Variants in PLD5 observed in about 807,000 individuals in gnomAD.
PLD5 encodes the protein phospholipase D family member 5.
Under a neutral mutation model 61.1 loss-of-function variants are expected in PLD5, and 36 were observed. That is an observed-to-expected ratio of 0.59 (90% confidence interval 0.45 to 0.78). The LOEUF (loss-of-function observed/expected upper bound fraction) is 0.78, where lower values mean the gene tolerates loss of function less well. Among genes scored for constraint, PLD5 ranks in the 30% least tolerant of loss-of-function variants. PLD5 has a pLI of 0.00. For synonymous variants in PLD5, 243 were observed against 242.8 expected (o/e 1.00, Z -0.01); for missense variants, 515 against 644.4 (o/e 0.80, Z 2.17).
At chr1:242,462,064 T>G (rs1002837920) in intron 1 of PLD5, among the ~76,000 whole-genome samples, 11 of 152,260 alleles carry the variant, frequency 7.2e-5, no homozygotes, top group African/African-American at 2.7e-4. Flanking sequence ...GTGCAGAAAC[T>G]CTTTCATTTA....
intron 2 of PLD5, among the ~76,000 whole-genome samples, chr1:242,331,252 T>C (rs560480473): frequency 6.6e-6 from 1 of 152,274 alleles, no homozygotes; most frequent in East Asian, 1.9e-4. Context: ...AGACATGGTG[T>C]CTCAAGTTTT....
At chr1:242,282,942 T>C (rs1674796974) in intron 3 of PLD5, among the ~76,000 whole-genome samples, 1 of 152,228 alleles carries the variant, frequency 6.6e-6, no homozygotes, top group African/African-American at 2.4e-5. Flanking sequence ...CTTAGCAGGC[T>C]GTGATACGGA....
At chr1:242,480,412 G>T (rs1203158883) in intron 1 of PLD5, among the ~76,000 whole-genome samples, 2 of 152,034 alleles carry the variant, frequency 1.3e-5, no homozygotes, top group Non-Finnish European at 2.9e-5. Context: ...ACCTCTAGAA[G>T]AAAACATTGA....
chr1:242,398,145 G>A (rs1051075175), intron 1 of PLD5, among the ~76,000 whole-genome samples: 16 of 152,168 alleles, frequency 1.1e-4, no homozygotes, highest in African/African-American at 3.1e-4. Context: ...TGTGAGGGGA[G>A]GTCAGAAAGA....
intron 1 of PLD5, among the ~76,000 whole-genome samples, chr1:242,450,980 T>C (rs1431278518): frequency 6.6e-6 from 1 of 152,206 alleles, no homozygotes; most frequent in East Asian, 1.9e-4. Flanking sequence ...CAACATTGCC[T>C]AACGTGGATT....
In PLD5 at chr1:242,351,197, G is replaced by A. The variant is rs555141272; in HGVS notation, c.190-2955C>T. ...ATTACAGGCATGAGCAACCGCGCCC[G>A]GCCCTGTTTTATTCTTTCTATCCTT... On this transcript the variant is annotated intron_variant, in intron 1 of 9. Transcript: ENST00000536534. Among the ~76,000 whole-genome samples, 15 of 152,180 alleles carry A rather than the reference G, an allele frequency of 9.9e-5. No individual in the cohort carries two copies. The South Asian group carries it at 1.5e-3, about 15-fold the overall frequency.
At chr1:242,140,042 G>A (rs1664041270) in intron 5 of PLD5, among the ~76,000 whole-genome samples, 1 of 152,194 alleles carries the variant, frequency 6.6e-6, no homozygotes, top group South Asian at 2.1e-4. Context: ...GTACCTAGAG[G>A]TACAGCCCCT....
chr1:242,255,419 T>C (rs1672957856), intron 4 of PLD5, among the ~76,000 whole-genome samples: 1 of 152,218 alleles, frequency 6.6e-6, no homozygotes, highest in African/African-American at 2.4e-5. Flanking sequence ...TGGAGTAAGC[T>C]GTTCAAAAAT....
intron 1 of PLD5, among the ~76,000 whole-genome samples, chr1:242,372,173 A>T (rs1157562084): frequency 6.6e-6 from 1 of 152,110 alleles, no homozygotes; most frequent in Non-Finnish European, 1.5e-5. Flanking sequence ...CCTTCTCTTC[A>T]TCATTATTAT....
intron 2 of PLD5, among the ~76,000 whole-genome samples, chr1:242,307,982 G>A (rs1676475002): frequency 6.6e-6 from 1 of 152,028 alleles, no homozygotes; most frequent in Non-Finnish European, 1.5e-5. Context: ...TAAAACTAAT[G>A]AATTCTATTA....
rs191621323 is a variant in PLD5, at chr1:242,106,697, G to A, written c.1239+974C>T. Among the ~76,000 whole-genome samples the A allele has an allele frequency of 1.5e-3, 224 of 152,304 alleles. 1 individual carries two copies. The highest frequency in any genetic ancestry group is 3.3e-3 in the South Asian group (16 of 4,822). On this transcript the variant is annotated intron_variant, in intron 8 of 9. Coordinates refer to ENST00000536534, the MANE Select transcript of PLD5 (RefSeq NM_001372062.1). ...GTCAGGGCGATCTTGGAAGCCATGT[G>A]TCAAAGTTAATTGCGGAGCCCTTGA...
chr1:242,156,369 T>C (rs1250080650), intron 5 of PLD5, among the ~76,000 whole-genome samples: 1 of 152,216 alleles, frequency 6.6e-6, no homozygotes, highest in Non-Finnish European at 1.5e-5. Context: ...TTAATATTGT[T>C]ATGTGTGAAT....
At chr1:242,494,921 T>C (rs1382649224) in intron 1 of PLD5, among the ~76,000 whole-genome samples, 1 of 151,328 alleles carries the variant, frequency 6.6e-6, no homozygotes, top group Non-Finnish European at 1.5e-5. Context: ...CAGTTTTCTG[T>C]CCCTTACTAA....
At chr1:242,130,330 G>C (rs1479912020) in intron 5 of PLD5, among the ~76,000 whole-genome samples, 1 of 152,194 alleles carries the variant, frequency 6.6e-6, no homozygotes, top group Non-Finnish European at 1.5e-5. Context: ...GGGATTACAT[G>C]CATAAGCCAC....
At chr1:242,224,303 T>G (rs551664051) in intron 4 of PLD5, among the ~76,000 whole-genome samples, 1 of 152,296 alleles carries the variant, frequency 6.6e-6, no homozygotes, top group African/African-American at 2.4e-5. Flanking sequence ...GACAAATTTT[T>G]ATAGAAGAGA....
At chr1:242,214,037 T>G (rs1669989728) in intron 5 of PLD5, among the ~76,000 whole-genome samples, 1 of 152,192 alleles carries the variant, frequency 6.6e-6, no homozygotes, top group Non-Finnish European at 1.5e-5. Flanking sequence ...CAGCATCTAT[T>G]GATCTGCAAA....
intron 2 of PLD5, among the ~76,000 whole-genome samples, chr1:242,313,972 C>T (rs924403932): frequency 4.6e-5 from 7 of 152,120 alleles, no homozygotes; most frequent in African/African-American, 1.7e-4. Flanking sequence ...TTATCTGAGC[C>T]AGACATCAAA....
At chr1:242,312,158 G>C (rs975773636) in intron 2 of PLD5, among the ~76,000 whole-genome samples, 1 of 151,370 alleles carries the variant, frequency 6.6e-6, no homozygotes, top group African/African-American at 2.4e-5. Flanking sequence ...TGGTTTTAAA[G>C]TCTTTGTCTA....
At chr1:242,132,290 G>A (rs1356275787) in intron 5 of PLD5, among the ~76,000 whole-genome samples, 1 of 139,998 alleles carries the variant, frequency 7.1e-6, no homozygotes, top group Non-Finnish European at 1.5e-5. Context: ...GCGGAAACCA[G>A]CGCGGGTGTC....
Sources: gnomAD v4.1 joint callset for allele counts (sites outside exome capture counted in the v4.1 genomes callset) on GRCh38, gnomAD v4.1.1 for gene constraint, MANE v1.5 for transcripts, NCBI Gene and HGNC (gene_info 2026-07-23, HGNC 2026-07-21) for gene names.